SLC24A3: variants seen among roughly 807,000 people sequenced by gnomAD.
SLC24A3 encodes the protein solute carrier family 24 member 3, also known as sodium/potassium/calcium exchanger 3.
Under a neutral mutation model 75.8 loss-of-function variants are expected in SLC24A3, and 28 were observed. The observed-to-expected ratio is 0.37, with a 90% CI of 0.27 to 0.51. SLC24A3 has a LOEUF of 0.51. Among genes scored for constraint, SLC24A3 ranks in the 20% least tolerant of loss-of-function variants. The pLI is 0.94. For synonymous variants in SLC24A3, 372 were observed against 334.1 expected (o/e 1.11, Z -1.24); for missense variants, 663 against 847.8 (o/e 0.78, Z 2.71).
At chr20:19,540,208 C>T (rs1188073443) in intron 3 of SLC24A3, among the ~76,000 whole-genome samples, 2 of 152,156 alleles carry the variant, frequency 1.3e-5, no homozygotes, top group Admixed American at 6.5e-5. Context: ...TGAGTCCCAG[C>T]ATGACCCATC....
At position 19,696,768 on chromosome 20, in the gene SLC24A3, A is replaced by G. The variant is rs2032811032; in HGVS notation, c.1492-29A>G. 3 of 1,539,076 alleles carry G rather than the reference A, an allele frequency of 1.9e-6. No individual in the cohort carries two copies. The South Asian group carries it at 3.4e-5, about 17-fold the overall frequency. ...GCAGGTGGGGCTTGAGGTGACCCTCAGCTGACCACCTCTTCCTGCTCCTTC... is the reference window on the plus strand; with the variant it reads ...GCAGGTGGGGCTTGAGGTGACCCTCGGCTGACCACCTCTTCCTGCTCCTTC... On this transcript the variant is annotated intron_variant, in intron 13 of 16. Transcript: ENST00000328041.
At position 19,473,055 on chromosome 20, in the gene SLC24A3, C is replaced by T. The variant is rs146708529; in HGVS notation, c.272-42433C>T. On this transcript the variant is annotated intron_variant, in intron 2 of 16. Coordinates refer to ENST00000328041, the MANE Select transcript of SLC24A3 (RefSeq NM_020689.4). ...AAGGCTGGATCAGACATACAGAGGC[C>T]GCTATGCATCTGATACCAGAGTTAG... Among the ~76,000 whole-genome samples, 145 of 152,266 alleles carry T rather than the reference C, an allele frequency of 9.5e-4. 2 individuals carry two copies. In the East Asian group the frequency reaches 0.019, roughly 20 times the overall value.
chr20:19,376,283 A>G (rs1272337890), intron 2 of SLC24A3, among the ~76,000 whole-genome samples: 1 of 152,186 alleles, frequency 6.6e-6, no homozygotes, highest in African/African-American at 2.4e-5. Flanking sequence ...TTTAGGTGCT[A>G]GGCGCCACAT....
intron 7 of SLC24A3, among the ~76,000 whole-genome samples, chr20:19,658,073 G>A (rs2032284838): frequency 3.3e-5 from 5 of 151,966 alleles, no homozygotes. Flanking sequence ...GTGTAATAAA[G>A]AGCTCCTTCA....
intron 2 of SLC24A3, among the ~76,000 whole-genome samples, chr20:19,510,053 A>G (rs1988514223): frequency 6.6e-6 from 1 of 152,266 alleles, no homozygotes; most frequent in African/African-American, 2.4e-5. Context: ...GGCTGTGTAT[A>G]TAGCACGCAC....
At chr20:19,440,643 CTGTTTTTTT>C (rs1987281032) in intron 2 of SLC24A3, among the ~76,000 whole-genome samples, 5 of 111,694 alleles carry the variant, frequency 4.5e-5, no homozygotes, top group Admixed American at 3.8e-4. Flanking sequence ...AGAGGCCTCA[CTGTTTTTTT>C]TTTTTTTTTT....
chr20:19,238,320 G>A (rs1401639978), intron 1 of SLC24A3, among the ~76,000 whole-genome samples: 1 of 152,194 alleles, frequency 6.6e-6, no homozygotes, highest in Non-Finnish European at 1.5e-5. Flanking sequence ...CTAGTTGTAG[G>A]TTATTCATTA....
At chr20:19,573,149 G>A (rs886848715) in intron 3 of SLC24A3, among the ~76,000 whole-genome samples, 3 of 152,140 alleles carry the variant, frequency 2.0e-5, no homozygotes, top group Non-Finnish European at 2.9e-5. Context: ...TGTGAAAACC[G>A]CTGACTGTCG....
chr20:19,372,026 G>A (rs779391603), intron 2 of SLC24A3, among the ~76,000 whole-genome samples: 9 of 152,190 alleles, frequency 5.9e-5, no homozygotes, highest in Non-Finnish European at 1.2e-4. Flanking sequence ...ATATCATAGA[G>A]AAAAAGTATA....
chr20:19,481,512 G>T (rs528402805), intron 2 of SLC24A3, among the ~76,000 whole-genome samples: 57 of 152,184 alleles, frequency 3.7e-4, no homozygotes, highest in Non-Finnish European at 7.3e-4. Flanking sequence ...GAAGAATCTG[G>T]CAGAGATTCA....
intron 12 of SLC24A3, among the ~76,000 whole-genome samples, chr20:19,685,941 G>C (rs1384959710): frequency 6.6e-6 from 1 of 152,168 alleles, no homozygotes; most frequent in Non-Finnish European, 1.5e-5. Context: ...TCAGTTCCTT[G>C]ATGCCATCTG....
intron 2 of SLC24A3, among the ~76,000 whole-genome samples, chr20:19,296,988 T>C (rs977002361): frequency 2.6e-5 from 4 of 152,250 alleles, no homozygotes; most frequent in African/African-American, 9.6e-5. Flanking sequence ...GAGCCAGCTG[T>C]ATTTTCTTCT....
intron 6 of SLC24A3, among the ~76,000 whole-genome samples, chr20:19,616,963 A>T (rs893187181): frequency 2.0e-5 from 3 of 152,108 alleles, no homozygotes; most frequent in African/African-American, 7.2e-5. Context: ...TCTTTCTTTC[A>T]TCCATTCAAT....
intron 11 of SLC24A3, among the ~76,000 whole-genome samples, chr20:19,684,564 C>T (rs541386913): frequency 1.3e-5 from 2 of 152,278 alleles, no homozygotes; most frequent in African/African-American, 2.4e-5. Flanking sequence ...AGAAAACTCC[C>T]CTGTTCCTTC....
At chr20:19,678,330 C>CG (rs1555806596) in intron 9 of SLC24A3, among the ~76,000 whole-genome samples, 2 of 121,908 alleles carry the variant, frequency 1.6e-5, no homozygotes, top group African/African-American at 3.3e-5. Context: ...GCTGGCCGGG[C>CG]GGGGGGCTGA....
At chr20:19,316,687 A>C (rs1201599084) in intron 2 of SLC24A3, among the ~76,000 whole-genome samples, 1 of 152,214 alleles carries the variant, frequency 6.6e-6, no homozygotes, top group Non-Finnish European at 1.5e-5. Context: ...GGGAGAGGTC[A>C]CCTGACCTGA....
chr20:19,596,593 T>G (rs993495713), intron 6 of SLC24A3, among the ~76,000 whole-genome samples: 1 of 152,194 alleles, frequency 6.6e-6, no homozygotes, highest in African/African-American at 2.4e-5. Context: ...TGTTATTCAC[T>G]GGCCCTGCCC....
chr20:19,657,338 A>G (rs2032277475), intron 7 of SLC24A3, among the ~76,000 whole-genome samples: 1 of 152,230 alleles, frequency 6.6e-6, no homozygotes, highest in African/African-American at 2.4e-5. Flanking sequence ...TTAGTTCAAC[A>G]GGCTCTTGGG....
chr20:19,472,284 A>G (rs1451114016), intron 2 of SLC24A3, among the ~76,000 whole-genome samples: 2 of 152,236 alleles, frequency 1.3e-5, no homozygotes, highest in Non-Finnish European at 2.9e-5. Context: ...TAAAAAATGC[A>G]TGGGTGGTCA....
Sources: gnomAD v4.1 joint callset for allele counts (sites outside exome capture counted in the v4.1 genomes callset) on GRCh38, gnomAD v4.1.1 for gene constraint, MANE v1.5 for transcripts, NCBI Gene and HGNC (gene_info 2026-07-23, HGNC 2026-07-21) for gene names.